NEGR1: variants seen among roughly 807,000 people sequenced by gnomAD.
NEGR1 encodes the protein IgLON family member 4.
Under a neutral mutation model 40.9 loss-of-function variants are expected in NEGR1, and 10 were observed. The ratio of observed to expected loss-of-function variants is 0.24; its 90% CI spans 0.15 to 0.42. The LOEUF (loss-of-function observed/expected upper bound fraction) is 0.42, where lower values mean the gene tolerates loss of function less well. Ranked by LOEUF, NEGR1 falls within the 10% of genes least tolerant of loss-of-function variation. The probability of loss-of-function intolerance (pLI) is 1.00; values close to 1 mark genes in which losing one functional copy is unlikely to be tolerated. For missense variants in NEGR1, 352 were observed against 438.9 expected (o/e 0.80, Z 1.77); for synonymous variants, 185 against 166.8 (o/e 1.11, Z -0.84).
At chr1:71,580,237 C>T (rs1276728731) in intron 6 of NEGR1, among the ~76,000 whole-genome samples, 1 of 149,094 alleles carries the variant, frequency 6.7e-6, no homozygotes, top group Admixed American at 6.8e-5. Context: ...TATTCTCACT[C>T]ATAGGTGGGA....
chr1:72,077,815 A>T (rs1162702799), intron 1 of NEGR1, among the ~76,000 whole-genome samples: 1 of 151,970 alleles, frequency 6.6e-6, no homozygotes, highest in South Asian at 2.1e-4. Flanking sequence ...TGTCTCAAAT[A>T]AAAAAAAGAA....
At chr1:71,567,979 T>C (rs12097038) in intron 6 of NEGR1, among the ~76,000 whole-genome samples, 8,970 of 152,200 alleles carry the variant, frequency 0.059, 495 homozygotes, top group African/African-American at 0.12. Context: ...TCCAAAACTA[T>C]AAGAAGTAAA....
chr1:71,600,619 A>T (rs538021766), intron 5 of NEGR1, among the ~76,000 whole-genome samples: 1 of 152,338 alleles, frequency 6.6e-6, no homozygotes, highest in African/African-American at 2.4e-5. Context: ...CTCATATCAA[A>T]GTCTGGGAAT....
chr1:71,950,382 G>A (rs1646059005), intron 1 of NEGR1, among the ~76,000 whole-genome samples: 1 of 151,856 alleles, frequency 6.6e-6, no homozygotes, highest in Non-Finnish European at 1.5e-5. Context: ...AGAGAAGAAG[G>A]AAAGAAAAAA....
intron 6 of NEGR1, among the ~76,000 whole-genome samples, chr1:71,457,527 G>A (rs563408684): frequency 1.1e-4 from 17 of 152,134 alleles, no homozygotes; most frequent in Middle Eastern, 3.4e-3. Flanking sequence ...GAGGAAACAA[G>A]AGAGACAGCA....
chr1:72,033,308 C>T lies in NEGR1; in HGVS notation c.177-97997G>A, dbSNP rs147705255. ...CTTTGGGCTATTTTAATATTCAAAT[C>T]GGCTGAATATTTAGCAGTAATAATG... is the stretch of plus-strand genomic sequence containing the variant. On this transcript the variant is annotated intron_variant, in intron 1 of 6. Coordinates refer to ENST00000357731, the MANE Select transcript of NEGR1 (RefSeq NM_173808.3). 6.2e-4 allele frequency among the ~76,000 whole-genome samples: 95 copies of T among 152,164 alleles called. No individual in the cohort carries two copies. The East Asian group carries it at 0.016, about 25-fold the overall frequency.
intron 4 of NEGR1, among the ~76,000 whole-genome samples, chr1:71,623,868 A>G (rs1484542073): frequency 1.3e-5 from 2 of 151,938 alleles, no homozygotes; most frequent in African/African-American, 2.4e-5. Context: ...AACTCTGCCT[A>G]ATAGCAAAAG....
chr1:71,957,632 T>C (rs562382568), intron 1 of NEGR1, among the ~76,000 whole-genome samples: 3 of 152,296 alleles, frequency 2.0e-5, no homozygotes, highest in African/African-American at 7.2e-5. Context: ...TATTTCTGAA[T>C]AATCACTCTT....
chr1:71,445,309 T>TAAA (rs749842511), intron 6 of NEGR1, among the ~76,000 whole-genome samples: 241 of 150,252 alleles, frequency 1.6e-3, no homozygotes, highest in East Asian at 8.7e-3. Context: ...CTTTTTTTTT[T>TAAA]AAAAAAAAAA....
At chr1:71,592,063 T>C (rs932263297) in intron 6 of NEGR1, among the ~76,000 whole-genome samples, 2 of 152,116 alleles carry the variant, frequency 1.3e-5, no homozygotes, top group East Asian at 1.9e-4. Flanking sequence ...TAGTCTTCTT[T>C]GAACATTTTG....
chr1:71,694,983 G>A (rs539766585), intron 4 of NEGR1, among the ~76,000 whole-genome samples: 142 of 151,842 alleles, frequency 9.4e-4, no homozygotes, highest in African/African-American at 3.1e-3. Flanking sequence ...TGCTGGTAAC[G>A]TAGACCACTG....
chr1:72,247,604 A>G (rs1277444303), intron 1 of NEGR1, among the ~76,000 whole-genome samples: 1 of 152,140 alleles, frequency 6.6e-6, no homozygotes, highest in Non-Finnish European at 1.5e-5. Flanking sequence ...AGACCTCACC[A>G]TCTTGGTCTT....
chr1:71,617,995 C>T (rs1361091170), intron 4 of NEGR1, among the ~76,000 whole-genome samples: 1 of 152,184 alleles, frequency 6.6e-6, no homozygotes, highest in African/African-American at 2.4e-5. Flanking sequence ...TGGACTCAGC[C>T]TTTCACTCCA....
intron 4 of NEGR1, among the ~76,000 whole-genome samples, chr1:71,694,982 C>G (rs1440778193): frequency 6.6e-6 from 1 of 151,732 alleles, no homozygotes; most frequent in Non-Finnish European, 1.5e-5. Context: ...ATGCTGGTAA[C>G]GTAGACCACT....
chr1:71,853,643 T>C (rs148093922), intron 2 of NEGR1, among the ~76,000 whole-genome samples: 4 of 152,232 alleles, frequency 2.6e-5, no homozygotes, highest in East Asian at 3.9e-4. Context: ...TGTATATTGA[T>C]TCTTTTTAAT....
intron 1 of NEGR1, among the ~76,000 whole-genome samples, chr1:72,226,948 TACCAA>T (rs1654209504): frequency 6.6e-6 from 1 of 152,050 alleles, no homozygotes; most frequent in Non-Finnish European, 1.5e-5. Context: ...ACAGCATAGC[TACCAA>T]GCTGATCTCT....
At chr1:72,081,785 T>TC (rs1648009180) in intron 1 of NEGR1, among the ~76,000 whole-genome samples, 1 of 152,086 alleles carries the variant, frequency 6.6e-6, no homozygotes, top group South Asian at 2.1e-4. Flanking sequence ...CTCGCTTGAT[T>TC]CCTATCCTAC....
intron 6 of NEGR1, among the ~76,000 whole-genome samples, chr1:71,415,931 T>G (rs997585650): frequency 1.3e-5 from 2 of 152,144 alleles, no homozygotes; most frequent in Non-Finnish European, 2.9e-5. Flanking sequence ...TGGGTGTGTG[T>G]ATGTGTGTTT....
At chr1:71,782,417 T>G (rs1656748627) in intron 2 of NEGR1, among the ~76,000 whole-genome samples, 1 of 152,316 alleles carries the variant, frequency 6.6e-6, no homozygotes, top group South Asian at 2.1e-4. Context: ...AATAATTATT[T>G]GCACCCATAA....
Sources: gnomAD v4.1 joint callset for allele counts (sites outside exome capture counted in the v4.1 genomes callset) on GRCh38, gnomAD v4.1.1 for gene constraint, MANE v1.5 for transcripts, NCBI Gene and HGNC (gene_info 2026-07-23, HGNC 2026-07-21) for gene names.